Variants in IL1RAPL2 observed in about 807,000 individuals in gnomAD.
IL1RAPL2 encodes the protein interleukin 1 receptor accessory protein like 2.
IL1RAPL2 carries 3 observed loss-of-function variants against 44.1 expected under a neutral mutation model. The ratio of observed to expected loss-of-function variants is 0.07; its 90% CI spans 0.03 to 0.18. The LOEUF (loss-of-function observed/expected upper bound fraction) is 0.18, where lower values mean the gene tolerates loss of function less well. IL1RAPL2 is among the 10% of genes least tolerant of loss of function. The probability of loss-of-function intolerance (pLI) is 1.00; values close to 1 mark genes in which losing one functional copy is unlikely to be tolerated. For missense variants in IL1RAPL2, 391 were observed against 496.4 expected (o/e 0.79, Z 2.02); for synonymous variants, 181 against 178.8 (o/e 1.01, Z -0.10).
At chrX:105,061,701 C>T (rs1434984389) in intron 2 of IL1RAPL2, among the ~76,000 whole-genome samples, 1 of 111,671 alleles carries the variant, frequency 9.0e-6, no homozygotes, top group Non-Finnish European at 1.9e-5. Context: ...CTAATATTTG[C>T]TTTATATATC....
At chrX:104,909,815 C>G (rs759928852) in intron 2 of IL1RAPL2, among the ~76,000 whole-genome samples, 45 of 112,627 alleles carry the variant, frequency 4.0e-4, no homozygotes, top group African/African-American at 1.4e-3. Context: ...TGTGCCCTGC[C>G]CCTAGAGGTG....
rs1928500138 is a variant in IL1RAPL2 at position 104,585,273 on chromosome X, A to ATATATATTATATAATATATTATATAT, written c.-20+18242_-20+18267dup. Reference sequence around the variant, plus strand: ...ATATATAATATATATATAATATATTATATATATTATATAATATATTATATA... The same window carrying ATATATATTATATAATATATTATATAT: ...ATATATAATATATATATAATATATTATATATATTATATAATATATTATATATTATATATTATATAATATATTATATA... On this transcript the variant is annotated intron_variant, in intron 1 of 10. Transcript: ENST00000372582. Among the ~76,000 whole-genome samples, 8 of 17,302 alleles carry ATATATATTATATAATATATTATATAT rather than the reference A, an allele frequency of 4.6e-4. No homozygotes were observed. The Admixed American group carries it at 6.6e-3, about 14-fold the overall frequency. 15.0% of individuals were successfully genotyped at this position (17,302 alleles called of 115,157 possible). A position where few individuals can be genotyped will look rare whatever the true frequency, so the allele number is the denominator to read the frequency against.
At chrX:104,944,665 C>G (rs1420453494) in intron 2 of IL1RAPL2, among the ~76,000 whole-genome samples, 1 of 111,770 alleles carries the variant, frequency 8.9e-6, no homozygotes, top group Non-Finnish European at 1.9e-5. Flanking sequence ...GTGGGAAACG[C>G]TGGTTTAGGA....
At chrX:105,264,344 TATTA>T (rs752194002) in intron 4 of IL1RAPL2, among the ~76,000 whole-genome samples, 1 of 111,654 alleles carries the variant, frequency 9.0e-6, no homozygotes, top group South Asian at 3.8e-4. Flanking sequence ...CTCTTTTCTT[TATTA>T]ATTACCCAGT....
chrX:105,539,994 G>C (rs940992422), intron 6 of IL1RAPL2, among the ~76,000 whole-genome samples: 2 of 110,496 alleles, frequency 1.8e-5, no homozygotes, highest in South Asian at 7.9e-4. Flanking sequence ...TCTCACACTA[G>C]TCAGAATGGC....
intron 2 of IL1RAPL2, among the ~76,000 whole-genome samples, chrX:104,844,810 G>T (rs5962989): frequency 2.2e-4 from 25 of 111,884 alleles, no homozygotes; most frequent in African/African-American, 7.8e-4. Flanking sequence ...AGCATATTTT[G>T]TGAAATGCTA....
intron 5 of IL1RAPL2, among the ~76,000 whole-genome samples, chrX:105,382,426 C>T (rs78702264): frequency 2.7e-5 from 3 of 109,304 alleles, no homozygotes; most frequent in East Asian, 2.8e-4. Context: ...TGAGATACCA[C>T]TTCACACCAG....
intron 2 of IL1RAPL2, among the ~76,000 whole-genome samples, chrX:105,077,416 G>T (rs142430459): frequency 8.9e-6 from 1 of 111,894 alleles, no homozygotes; most frequent in Non-Finnish European, 1.9e-5. Context: ...GAGGTCAGCT[G>T]TTAGTCTGAT....
intron 6 of IL1RAPL2, among the ~76,000 whole-genome samples, chrX:105,612,625 T>A (rs945435381): frequency 8.9e-6 from 1 of 112,156 alleles, no homozygotes; most frequent in Non-Finnish European, 1.9e-5. Context: ...GGAAAGACGG[T>A]CTTGAATCAT....
rs58410384 is a variant in IL1RAPL2, at chrX:104,637,778, A to ATG, written c.-19-21095_-19-21094dup. 5.3e-3 allele frequency among the ~76,000 whole-genome samples: 530 copies of ATG among 99,068 alleles called. 4 individuals are homozygous for ATG. The highest frequency in any genetic ancestry group is 0.013 in the African/African-American group (342 of 27,093). The allele number at this position is 99,068 out of a possible 115,157, so 86.0% of individuals were successfully genotyped here. A position where few individuals can be genotyped will look rare whatever the true frequency, so the allele number is the denominator to read the frequency against. ...GGATATTGGCCTGTAGTTTTTGTGT[A>ATG]TGTGTGTGTGTGTGTGTGTGTGTCT... On this transcript the variant is annotated intron_variant, in intron 1 of 10. Transcript: ENST00000372582.
chrX:104,912,657 G>T (rs1404171575), intron 2 of IL1RAPL2, among the ~76,000 whole-genome samples: 1 of 111,558 alleles, frequency 9.0e-6, no homozygotes, highest in Non-Finnish European at 1.9e-5. Flanking sequence ...ATATGGTAAA[G>T]CATGTTAAGG....
chrX:104,867,236 C>CAA lies in IL1RAPL2; in HGVS notation c.82+208264_82+208265dup, dbSNP rs35810207. Among the ~76,000 whole-genome samples, 142 of 43,590 alleles carry CAA rather than the reference C, an allele frequency of 3.3e-3. No individual in the cohort carries two copies. In the Middle Eastern group the frequency reaches 0.052, roughly 16 times the overall value. The allele number at this position is 43,590 out of a possible 115,157, so 37.9% of individuals were successfully genotyped here. A position where few individuals can be genotyped will look rare whatever the true frequency, so the allele number is the denominator to read the frequency against. On this transcript the variant is annotated intron_variant, in intron 2 of 10. Transcript: ENST00000372582. ...TGGGCAAAAGAGCAAGTCTCTGTCTCAAAAAAAAAAAAAAAAAAAAAAAAT... is the reference window on the plus strand; with the variant it reads ...TGGGCAAAAGAGCAAGTCTCTGTCTCAAAAAAAAAAAAAAAAAAAAAAAAAAT...
intron 2 of IL1RAPL2, among the ~76,000 whole-genome samples, chrX:104,710,524 A>G (rs767753651): frequency 9.0e-5 from 10 of 111,491 alleles, no homozygotes; most frequent in Non-Finnish European, 1.9e-4. Flanking sequence ...CTTAGGGATT[A>G]GTGAAAATGT....
At chrX:104,883,982 T>C (rs1602780166) in intron 2 of IL1RAPL2, among the ~76,000 whole-genome samples, 1 of 112,127 alleles carries the variant, frequency 8.9e-6, no homozygotes, top group East Asian at 2.8e-4. Context: ...AACATCTTTA[T>C]AGGACAGGGG....
intron 5 of IL1RAPL2, among the ~76,000 whole-genome samples, chrX:105,478,292 G>A (rs1022894678): frequency 1.8e-5 from 2 of 111,010 alleles, no homozygotes; most frequent in Non-Finnish European, 3.8e-5. Context: ...TAGAGGCCAG[G>A]GAAGCTGCTA....
At chrX:105,380,035 CAG>C (rs2035418018) in intron 5 of IL1RAPL2, among the ~76,000 whole-genome samples, 1 of 111,794 alleles carries the variant, frequency 8.9e-6, no homozygotes, top group Admixed American at 9.5e-5. Context: ...AGAAGCCTAA[CAG>C]AGAGCATTAA....
chrX:105,182,011 G>A lies in IL1RAPL2; in HGVS notation c.83-13464G>A, dbSNP rs782641804. Among the ~76,000 whole-genome samples, 6 of 106,105 alleles carry A rather than the reference G, an allele frequency of 5.7e-5. No individual in the cohort carries two copies. In the South Asian group the frequency reaches 1.7e-3, roughly 31 times the overall value. 92.1% of individuals were successfully genotyped at this position (106,105 alleles called of 115,157 possible). A position where few individuals can be genotyped will look rare whatever the true frequency, so the allele number is the denominator to read the frequency against. On this transcript the variant is annotated intron_variant, in intron 2 of 10. Transcript: ENST00000372582. The stretch of plus-strand genomic sequence containing the variant: ...GAACCCGGGAGGTGGAGCTTGAAGT[G>A]AGCCAAGATTGCGCCACTGCACTCC...
At chrX:105,288,574 A>G (rs2034588560) in intron 5 of IL1RAPL2, among the ~76,000 whole-genome samples, 1 of 111,716 alleles carries the variant, frequency 9.0e-6, no homozygotes, top group Non-Finnish European at 1.9e-5. Context: ...TATAACTTCT[A>G]AATATATTTT....
intron 5 of IL1RAPL2, among the ~76,000 whole-genome samples, chrX:105,363,863 G>T (rs1396890546): frequency 9.0e-6 from 1 of 110,945 alleles, no homozygotes. Flanking sequence ...CTTATCAGAT[G>T]TATTGTTTGC....
Sources: allele counts gnomAD v4.1 joint callset (sites outside exome capture counted in the v4.1 genomes callset), GRCh38; gene constraint gnomAD v4.1.1; transcripts MANE v1.5; gene names NCBI Gene and HGNC (gene_info 2026-07-23, HGNC 2026-07-21).